Variants in ZNF705A observed in about 807,000 individuals in gnomAD.
ZNF705A encodes the protein zinc finger protein 705A.
In ZNF705A, 8 loss-of-function variants were observed where a neutral mutation model predicts 16.6. The ratio of observed to expected loss-of-function variants is 0.48; its 90% CI spans 0.28 to 0.87. The LOEUF is 0.87. ZNF705A is among the 40% of genes least tolerant of loss of function. The pLI is 0.10. For missense variants in ZNF705A, 233 were observed against 359.9 expected (o/e 0.65, Z 2.85); for synonymous variants, 73 against 117.3 (o/e 0.62, Z 2.44).
At chr12:8,180,038 A>G (rs926371463) in exon 5 of ZNF705A, 15 of 152,392 alleles carry the variant, frequency 9.8e-5, no homozygotes, top group African/African-American at 3.6e-4. Flanking sequence ...TTAAAGCACA[A>G]GATATCGTAC....
At chr12:8,163,104 G>A (rs1948370283) in intron 1 of ZNF705A, among the ~76,000 whole-genome samples, 1 of 152,124 alleles carries the variant, frequency 6.6e-6, no homozygotes, top group Admixed American at 6.5e-5. Flanking sequence ...AGGAGGTCTG[G>A]ATTTGGATTC....
chr12:8,178,467 T>C (rs759221532), exon 5 of ZNF705A: 1 of 152,546 alleles, frequency 6.6e-6, no homozygotes, highest in Non-Finnish European at 1.5e-5. Flanking sequence ...TGACATTAAG[T>C]TTCTCACATT....
intron 1 of ZNF705A, among the ~76,000 whole-genome samples, chr12:8,165,050 A>G (rs1354070550): frequency 6.6e-6 from 1 of 152,204 alleles, no homozygotes; most frequent in Non-Finnish European, 1.5e-5. Context: ...TGAAATGGAC[A>G]TAGTAATTTG....
At chr12:8,168,312 A>G (rs1316910932), upstream of ZNF705A, among the ~76,000 whole-genome samples, 1 of 152,148 alleles carries the variant, frequency 6.6e-6, no homozygotes, top group Non-Finnish European at 1.5e-5. Flanking sequence ...TGACATTTCT[A>G]GTGGGTAGGG....
chr12:8,162,409 C>T (rs191250426), intron 1 of ZNF705A, among the ~76,000 whole-genome samples: 207 of 152,218 alleles, frequency 1.4e-3, no homozygotes, highest in African/African-American at 4.9e-3. Context: ...CAGAGCGAGG[C>T]CTCATTAACA....
chr12:8,163,784 T>C (rs1948376818), intron 1 of ZNF705A, among the ~76,000 whole-genome samples: 1 of 152,230 alleles, frequency 6.6e-6, no homozygotes, highest in African/African-American at 2.4e-5. Flanking sequence ...GGCTCTAGTT[T>C]GGCTGCTAAA....
At chr12:8,176,049 T>C (rs1948482240) in intron 4 of ZNF705A, 107 bp downstream of exon 5, 28 of 1,556,990 alleles carry the variant, frequency 1.8e-5, no homozygotes, top group Non-Finnish European at 2.3e-5. Context: ...TGGCATTAAG[T>C]GCTTTCTAAG....
chr12:8,177,243 G>A (rs1304537938), exon 5 of ZNF705A: 1 of 1,611,640 alleles, frequency 6.2e-7, no homozygotes, highest in Non-Finnish European at 8.5e-7. Context: ...TTTCGCCTTA[G>A]ACGGCACAAG....
chr12:8,175,977 G>C (rs1938445528), intron 4 of ZNF705A, 35 bp downstream of exon 5: 2 of 1,609,338 alleles, frequency 1.2e-6, no homozygotes, highest in Non-Finnish European at 1.7e-6. Context: ...AGTCATCTAA[G>C]TTAAAGACAT....
chr12:8,165,314 G>T (rs1442333016), intron 1 of ZNF705A, among the ~76,000 whole-genome samples: 1 of 123,576 alleles, frequency 8.1e-6, no homozygotes, highest in African/African-American at 3.3e-5. Flanking sequence ...ATGGAGTCTC[G>T]CTCTGTCACC....
intron 1 of ZNF705A, among the ~76,000 whole-genome samples, chr12:8,166,003 C>T (rs1214382226): frequency 6.6e-6 from 1 of 152,076 alleles, no homozygotes; most frequent in African/African-American, 2.4e-5. Context: ...TATGGTAGAA[C>T]AATTTATTTT....
At chr12:8,172,016 C>T (rs1056776292), upstream of ZNF705A, among the ~76,000 whole-genome samples, 9 of 152,170 alleles carry the variant, frequency 5.9e-5, no homozygotes, top group African/African-American at 2.2e-4. Context: ...GGATTACAGG[C>T]ATGAGCCGCC....
chr12:8,171,937 A>T (rs1196753718), upstream of ZNF705A, among the ~76,000 whole-genome samples: 1 of 152,166 alleles, frequency 6.6e-6, no homozygotes, highest in Admixed American at 6.5e-5. Flanking sequence ...GGGTTTCACC[A>T]TGTTGGCCAG....
intron 1 of ZNF705A, among the ~76,000 whole-genome samples, chr12:8,158,836 G>A (rs1948330673): frequency 6.6e-6 from 1 of 151,876 alleles, no homozygotes; most frequent in Admixed American, 6.6e-5. Flanking sequence ...ATTTTCCATA[G>A]GTTACTGGGG....
chr12:8,177,760 G>C (rs1185984526), exon 5 of ZNF705A: 21 of 1,060,946 alleles, frequency 2.0e-5, no homozygotes, highest in African/African-American at 3.2e-5. Context: ...ACGAAGGTAA[G>C]GAATGTGGAA....
intron 1 of ZNF705A, among the ~76,000 whole-genome samples, chr12:8,166,719 C>T (rs1486338376): frequency 6.6e-6 from 1 of 152,244 alleles, no homozygotes. Flanking sequence ...TGGCTTGCGC[C>T]CTCTAAAGCG....
chr12:8,179,314 A>G (rs1372365548), exon 5 of ZNF705A: 2 of 152,196 alleles, frequency 1.3e-5, no homozygotes, highest in Non-Finnish European at 2.9e-5. Context: ...AAACACCAGC[A>G]TGATAAAACA....
At chr12:8,172,521 A>G, upstream of ZNF705A, 2 of 1,497,082 alleles carry the variant, frequency 1.3e-6, no homozygotes, top group Admixed American at 3.3e-5. Context: ...TGTGCACAAG[A>G]CTGCTGTCTC....
rs770405253 is a variant in ZNF705A, at chr12:8,163,332, G to A, written c.-72+6240G>A. ...GATATTTTTATTTTTTTTTAAATTG[G>A]TCAAGTATTTTTCATTAAATAATGT... On this transcript the variant is annotated intron_variant, in intron 1 of 5. Transcript: ENST00000396570. Among the ~76,000 whole-genome samples the A allele has an allele frequency of 1.8e-3, 280 of 152,024 alleles. 1 individual carries two copies. Among genetic ancestry groups the A allele is most frequent in the African/African-American group, 6.4e-3 (267 of 41,440 alleles).
Sources: gnomAD v4.1 joint callset for allele counts (sites outside exome capture counted in the v4.1 genomes callset) on GRCh38, gnomAD v4.1.1 for gene constraint, MANE v1.5 for transcripts, NCBI Gene and HGNC (gene_info 2026-07-23, HGNC 2026-07-21) for gene names.